The following HDGFL3 variants were observed in gnomAD, a reference collection of about 807,000 sequenced individuals.
The protein encoded by HDGFL3 is HDGF like 3.
Under a neutral mutation model 27.6 loss-of-function variants are expected in HDGFL3, and 6 were observed. The observed-to-expected ratio is 0.22, with a 90% CI of 0.12 to 0.43. The LOEUF (loss-of-function observed/expected upper bound fraction) is 0.43. HDGFL3 is among the 20% of genes least tolerant of loss of function. HDGFL3 has a pLI of 1.00. For synonymous variants in HDGFL3, 88 were observed against 88.9 expected, an observed-to-expected ratio of 0.99 and a Z score of 0.05; for missense variants, 207 against 250.1, an observed-to-expected ratio of 0.83 and a Z score of 1.16.
intron 3 of HDGFL3, among the ~76,000 whole-genome samples, chr15:83,120,955 G>A (rs1433205756): frequency 6.6e-6 from 1 of 151,620 alleles, no homozygotes; most frequent in African/African-American, 2.4e-5. Context: ...TTGAGGGCGG[G>A]GGTGGGGCAG....
rs1035814988 is a variant in HDGFL3 at position 83,115,713 on chromosome 15, T to A, written c.422A>T (p.Asp141Val). 6.8e-6 allele frequency: 5 copies of A among 733,236 alleles called. No homozygotes were observed. In the African/African-American group the frequency reaches 8.7e-5, roughly 13 times the overall value. 45.4% of individuals were successfully genotyped at this position (733,236 alleles called of 1,614,324 possible). ...GTGTGTAGAAGGGGTATTCTGTTAGTCTATCTCGATAATTGTCCACAGCAT... is the reference window on the plus strand; with the variant it reads ...GTGTGTAGAAGGGGTATTCTGTTAGACTATCTCGATAATTGTCCACAGCAT... Residue 141 changes from aspartate (D) to valine (V), a missense_variant, in exon 4 of 4, where the codon GAC becomes GTC. Asp to Val is a radical substitution (Grantham distance 152). Coordinates refer to the HDGFL3 transcript ENST00000568294.
intron 2 of HDGFL3, among the ~76,000 whole-genome samples, chr15:83,161,687 G>A (rs1268564403): frequency 6.6e-6 from 1 of 152,064 alleles, no homozygotes; most frequent in African/African-American, 2.4e-5. Context: ...AGCTACTGCC[G>A]GCAAGAGGGA....
At chr15:83,171,803 T>A (rs1379121580) in intron 1 of HDGFL3, among the ~76,000 whole-genome samples, 4 of 152,108 alleles carry the variant, frequency 2.6e-5, no homozygotes, top group Admixed American at 2.0e-4. Context: ...GGTAATGGGA[T>A]CATTCATACC....
At chr15:83,115,635 A>ACTCT in exon 4 of HDGFL3, 1 of 680,618 alleles carries the variant, frequency 1.5e-6, no homozygotes, top group Non-Finnish European at 2.7e-6. Flanking sequence ...CCTTGATGAG[A>ACTCT]GTACTTAGGC....
In HDGFL3 at chr15:83,134,214, G is replaced by A. The variant is rs535761910; in HGVS notation, c.*5056C>T. 5 of 151,888 alleles carry A rather than the reference G, an allele frequency of 3.3e-5. No homozygotes were observed. Among genetic ancestry groups the A allele is most frequent in the African/African-American group, 1.2e-4 (5 of 41,420 alleles). The allele number at this position is 151,888 out of a possible 1,614,324, so 9.4% of individuals were successfully genotyped here. A position where few individuals can be genotyped will look rare whatever the true frequency, so the allele number is the denominator to read the frequency against. On this transcript the variant is annotated 3_prime_UTR_variant, in exon 6 of 6. Coordinates refer to ENST00000299633, the MANE Select transcript of HDGFL3 (RefSeq NM_016073.4). ...CCAGTGGGCTTACAATCTAATCTAA[G>A]GACATGAATCTTTTTTTTTTTTTAA...
chr15:83,150,836 A>G (rs1193504183), intron 5 of HDGFL3, among the ~76,000 whole-genome samples: 1 of 152,226 alleles, frequency 6.6e-6, no homozygotes. Flanking sequence ...TCTGGGAAAG[A>G]AGCAGCAGTA....
rs1022134764 is a variant in HDGFL3 at position 83,207,476 on chromosome 15, C to T, written c.-62G>A. On this transcript the variant is annotated 5_prime_UTR_variant, in exon 1 of 6. Coordinates refer to ENST00000299633, the MANE Select transcript of HDGFL3 (RefSeq NM_016073.4). The surrounding 1 kb of genome is among the most constrained non-coding windows in gnomAD (Gnocchi z 4.8). ...GCGAAGATGCCGGGAGGCCGCCCCC[C>T]CGCGGGCCGACGAATTGCGCCGCGC... 7.4e-6 allele frequency: 9 copies of T among 1,210,302 alleles called. No homozygotes were observed. The highest frequency in any genetic ancestry group is 3.5e-5 in the South Asian group (1 of 28,410). The allele number at this position is 1,210,302 out of a possible 1,614,324, so 75.0% of individuals were successfully genotyped here.
At chr15:83,157,610 GA>G (rs754385107) in intron 3 of HDGFL3, 37 bp from the exon 4 acceptor site, 2 of 1,540,610 alleles carry the variant, frequency 1.3e-6, no homozygotes, top group Non-Finnish European at 8.9e-7. Flanking sequence ...TTACATTTTT[GA>G]AAAAATAGCA....
At chr15:83,195,162 T>C (rs1282817842) in intron 1 of HDGFL3, among the ~76,000 whole-genome samples, 2 of 152,210 alleles carry the variant, frequency 1.3e-5, no homozygotes, top group Admixed American at 6.5e-5. Context: ...TCTTTCTTAG[T>C]CAGTTTTGGC....
At chr15:83,192,510 T>C (rs1482341276) in intron 1 of HDGFL3, among the ~76,000 whole-genome samples, 2 of 152,038 alleles carry the variant, frequency 1.3e-5, no homozygotes, top group Admixed American at 6.5e-5. Context: ...CCCAATAAAA[T>C]AAGAAAAAAG....
At chr15:83,180,919 G>C (rs1181257040) in intron 1 of HDGFL3, 2 of 151,848 alleles carry the variant, frequency 1.3e-5, no homozygotes, top group African/African-American at 4.8e-5. Context: ...TTACAGGCGT[G>C]AATCACCATG....
At position 83,130,621 on chromosome 15, in the gene HDGFL3, G is replaced by A. The variant is rs1425370716; in HGVS notation, c.*8649C>T. ...TCTGATTCCCACAGCTCTTGGCTGA[G>A]CTTTAATATCTACCCACTTATAGTG... On this transcript the variant is annotated 3_prime_UTR_variant, in exon 6 of 6. Coordinates refer to ENST00000299633, the MANE Select transcript of HDGFL3 (RefSeq NM_016073.4). 6.6e-6 allele frequency: 1 copy of A among 152,224 alleles called. No individual in the cohort carries two copies. The highest frequency in any genetic ancestry group is 2.1e-4 in the South Asian group (1 of 4,828). 9.4% of individuals were successfully genotyped at this position (152,224 alleles called of 1,614,324 possible).
intron 1 of HDGFL3, among the ~76,000 whole-genome samples, chr15:83,166,136 C>T (rs1479355942): frequency 1.3e-5 from 2 of 151,960 alleles, no homozygotes; most frequent in African/African-American, 2.4e-5. Flanking sequence ...ATGAACATCA[C>T]CAAGGCATAT....
At chr15:83,196,079 T>C (rs1424141508) in intron 1 of HDGFL3, among the ~76,000 whole-genome samples, 1 of 151,950 alleles carries the variant, frequency 6.6e-6, no homozygotes, top group Non-Finnish European at 1.5e-5. Flanking sequence ...GGGACAGATA[T>C]GTAGAAATAT....
intron 5 of HDGFL3, among the ~76,000 whole-genome samples, chr15:83,146,903 C>G (rs893151751): frequency 2.6e-5 from 4 of 152,122 alleles, no homozygotes; most frequent in Admixed American, 2.6e-4. Flanking sequence ...AAATGCTAAC[C>G]TTGTTCCTTA....
chr15:83,203,981 T>C lies in HDGFL3; in HGVS notation c.84+3350A>G, dbSNP rs573133749. 2.5e-4 allele frequency among the ~76,000 whole-genome samples: 37 copies of C among 147,168 alleles called. No homozygotes were observed. In the South Asian group the frequency reaches 8.1e-3, roughly 32 times the overall value. On this transcript the variant is annotated intron_variant, in intron 1 of 5. Transcript: ENST00000299633. The stretch of plus-strand genomic sequence containing the variant: ...TAAGCTAGCTAATCCATAACATAGA[T>C]GAACTTCTAATTTTTAAAGCCACAC...
chr15:83,144,826 G>T, intron 5 of HDGFL3: 1 of 308,306 alleles, frequency 3.2e-6, no homozygotes, highest in South Asian at 2.9e-5. Flanking sequence ...GTCTTGAAAA[G>T]ATGAGATAAT....
chr15:83,175,689 C>T (rs2037300537), intron 1 of HDGFL3, among the ~76,000 whole-genome samples: 1 of 152,074 alleles, frequency 6.6e-6, no homozygotes, highest in South Asian at 2.1e-4. Flanking sequence ...GAAACCCTGT[C>T]TCTACTAAAA....
At chr15:83,144,963 G>GATTTTTT in intron 5 of HDGFL3, 1 of 157,624 alleles carries the variant, frequency 6.3e-6, no homozygotes, top group Non-Finnish European at 1.4e-5. Context: ...CTATCCATAT[G>GATTTTTT]AATCGAAGGA....
Sources: gnomAD v4.1 joint callset for allele counts (sites outside exome capture counted in the v4.1 genomes callset) on GRCh38, gnomAD v4.1.1 for gene constraint, Gnocchi (gnomAD v3.1) non-coding constraint, MANE v1.5 for transcripts, NCBI Gene and HGNC (gene_info 2026-07-23, HGNC 2026-07-21) for gene names.